Variants in LPP observed in about 807,000 individuals in gnomAD.
LPP encodes the protein lipoma-preferred partner.
In LPP, 38 loss-of-function variants were observed where a neutral mutation model predicts 60.4. The ratio of observed to expected loss-of-function variants is 0.63; its 90% CI spans 0.49 to 0.83. LPP has a LOEUF of 0.83. Ranked by LOEUF, LPP falls within the 40% of genes least tolerant of loss-of-function variation. The pLI is 0.00. For missense variants in LPP, 902 were observed against 783.6 expected (o/e 1.15, Z -1.80); for synonymous variants, 328 against 290.8 (o/e 1.13, Z -1.30).
chr3:188,805,657 CTCTT>C (rs776839584), intron 9 of LPP, among the ~76,000 whole-genome samples: 41 of 151,656 alleles, frequency 2.7e-4, no homozygotes, highest in Non-Finnish European at 5.8e-4. Flanking sequence ...GTTTGCTCTT[CTCTT>C]TCTATTTCCC....
intron 9 of LPP, among the ~76,000 whole-genome samples, chr3:188,864,667 C>G (rs887328144): frequency 1.3e-5 from 2 of 152,218 alleles, no homozygotes; most frequent in Non-Finnish European, 2.9e-5. Context: ...TGCGATACAT[C>G]TAGGCATTAG....
At chr3:188,791,090 A>G (rs1320595628) in intron 9 of LPP, among the ~76,000 whole-genome samples, 2 of 152,116 alleles carry the variant, frequency 1.3e-5, no homozygotes, top group African/African-American at 2.4e-5. Flanking sequence ...CTTTTCTTGT[A>G]TCTTGCAGTC....
chr3:188,404,611 T>G (rs1042492358), intron 3 of LPP, among the ~76,000 whole-genome samples: 5 of 152,112 alleles, frequency 3.3e-5, no homozygotes, highest in African/African-American at 7.2e-5. Context: ...ATGCCACTTG[T>G]TGGTGGTGTG....
At chr3:188,197,767 A>G (rs1312020440) in intron 1 of LPP, among the ~76,000 whole-genome samples, 1 of 152,170 alleles carries the variant, frequency 6.6e-6, no homozygotes, top group Non-Finnish European at 1.5e-5. Flanking sequence ...GGCAGGGCTT[A>G]TGACATTGGC....
chr3:188,606,681 A>G (rs1243884758), intron 6 of LPP, among the ~76,000 whole-genome samples: 1 of 152,158 alleles, frequency 6.6e-6, no homozygotes, highest in African/African-American at 2.4e-5. Context: ...TTCCTAAAAA[A>G]TACTCAGTTA....
intron 3 of LPP, among the ~76,000 whole-genome samples, chr3:188,370,100 G>T (rs1304446008): frequency 6.6e-6 from 1 of 152,092 alleles, no homozygotes; most frequent in Admixed American, 6.6e-5. Context: ...GCTAATTTTT[G>T]TATTTTTAGT....
intron 1 of LPP, among the ~76,000 whole-genome samples, chr3:188,157,859 C>T (rs1326267674): frequency 6.6e-6 from 1 of 151,866 alleles, no homozygotes; most frequent in Non-Finnish European, 1.5e-5. Flanking sequence ...GGAAGAAGGA[C>T]AGGTGAGAGA....
chr3:188,440,348 TA>T (rs1312714317), intron 4 of LPP, among the ~76,000 whole-genome samples: 2 of 152,198 alleles, frequency 1.3e-5, no homozygotes, highest in East Asian at 1.9e-4. Context: ...GTATTATATT[TA>T]AAGTTTTTTT....
chr3:188,362,742 G>A (rs934635710), intron 3 of LPP, among the ~76,000 whole-genome samples: 1 of 152,128 alleles, frequency 6.6e-6, no homozygotes, highest in African/African-American at 2.4e-5. Context: ...AGGTCACTGC[G>A]GAAGAAAATA....
chr3:188,730,438 T>A (rs1379484649), intron 8 of LPP, among the ~76,000 whole-genome samples: 1 of 152,230 alleles, frequency 6.6e-6, no homozygotes, highest in African/African-American at 2.4e-5. Context: ...TAGTTATGAA[T>A]TGAGTGAATT....
At chr3:188,690,771 T>A (rs565025839) in intron 7 of LPP, among the ~76,000 whole-genome samples, 69 of 152,312 alleles carry the variant, frequency 4.5e-4, no homozygotes, top group Non-Finnish European at 9.1e-4. Flanking sequence ...AGACTCAGAC[T>A]TGAGTCTTGC....
chr3:188,440,360 T>C (rs954568443), intron 4 of LPP, among the ~76,000 whole-genome samples: 1 of 152,190 alleles, frequency 6.6e-6, no homozygotes, highest in South Asian at 2.1e-4. Flanking sequence ...AAGTTTTTTT[T>C]TAGTAGTGAC....
intron 8 of LPP, among the ~76,000 whole-genome samples, chr3:188,728,338 CTT>C (rs1485516927): frequency 6.6e-6 from 1 of 152,124 alleles, no homozygotes; most frequent in African/African-American, 2.4e-5. Flanking sequence ...TAAAATGTCA[CTT>C]ATAACTATCT....
chr3:188,841,393 G>GTTTT (rs71169023), intron 9 of LPP, among the ~76,000 whole-genome samples: 32 of 112,872 alleles, frequency 2.8e-4, no homozygotes, highest in African/African-American at 6.7e-4. Context: ...TTCTGAATTT[G>GTTTT]TTTTTTTTTT....
rs933958536 is a variant in LPP, at chr3:188,885,725, C to A, written c.*11246C>A. On this transcript the variant is annotated 3_prime_UTR_variant, in exon 12 of 12. Coordinates refer to ENST00000617246, the MANE Select transcript of LPP (RefSeq NM_001375462.1). ...TGAGGAATCTCCACACTGACTTCCA[C>A]AATGGTTGAACTAGTTCACAGTCCC... 1 of 152,400 alleles carries A rather than the reference C, an allele frequency of 6.6e-6. No individual in the cohort carries two copies. The highest frequency in any genetic ancestry group is 1.5e-5 in the Non-Finnish European group (1 of 68,196). 9.4% of individuals were successfully genotyped at this position (152,400 alleles called of 1,614,324 possible). A position where few individuals can be genotyped will look rare whatever the true frequency, so the allele number is the denominator to read the frequency against.
chr3:188,564,370 G>C (rs886137713), intron 6 of LPP, among the ~76,000 whole-genome samples: 6 of 151,982 alleles, frequency 3.9e-5, no homozygotes, highest in African/African-American at 7.2e-5. Flanking sequence ...CATCCTCACG[G>C]ATAATTCCCA....
intron 2 of LPP, among the ~76,000 whole-genome samples, chr3:188,276,894 CTTTTTTTT>C (rs1203656488): frequency 5.2e-5 from 2 of 38,204 alleles, no homozygotes; most frequent in East Asian, 6.1e-4. Flanking sequence ...CTTTTCTTTT[CTTTTTTTT>C]TTTTTTTTTT....
At chr3:188,662,515 T>C (rs2149129132) in intron 7 of LPP, among the ~76,000 whole-genome samples, 1 of 152,274 alleles carries the variant, frequency 6.6e-6, no homozygotes, top group Middle Eastern at 3.4e-3. Flanking sequence ...AAAGGCAGAG[T>C]AGAAAAAACA....
intron 7 of LPP, among the ~76,000 whole-genome samples, chr3:188,702,557 A>C (rs62290052): frequency 0.09 from 13,648 of 152,098 alleles, 784 homozygotes; most frequent in Middle Eastern, 0.14. Context: ...TTTATACTTA[A>C]AGTTCTTGGC....
Sources: gnomAD v4.1 joint callset for allele counts (sites outside exome capture counted in the v4.1 genomes callset) on GRCh38, gnomAD v4.1.1 for gene constraint, MANE v1.5 for transcripts, NCBI Gene and HGNC (gene_info 2026-07-23, HGNC 2026-07-21) for gene names.